The following MCM10 variants were observed in gnomAD, a reference collection of about 807,000 sequenced individuals.
The protein encoded by MCM10 is minichromosome maintenance 10 replication initiation factor, also known as protein MCM10 homolog.
In MCM10, 91 loss-of-function variants were observed where a neutral mutation model predicts 109.9. The observed-to-expected ratio is 0.83, with a 90% CI of 0.70 to 0.99. MCM10 has a LOEUF of 0.99. MCM10 is among the 50% of genes least tolerant of loss of function. The pLI, the probability that MCM10 is intolerant of heterozygous loss-of-function variation, is 0.00. For missense variants in MCM10, 1,077 were observed against 1,061.2 expected (o/e 1.01, Z -0.21); for synonymous variants, 380 against 387.2 (o/e 0.98, Z 0.22).
At chr10:13,184,746 GA>G (rs374469045) in intron 8 of MCM10, among the ~76,000 whole-genome samples, 1 of 152,250 alleles carries the variant, frequency 6.6e-6, no homozygotes, top group East Asian at 1.9e-4. Flanking sequence ...ACACTATAGT[GA>G]TTTAAGAGTG....
chr10:13,189,094 G>C lies in MCM10; in HGVS notation c.1415+14G>C, dbSNP rs74908492. 1 of 1,613,996 alleles carries C rather than the reference G, an allele frequency of 6.2e-7. No homozygotes were observed. The highest frequency in any genetic ancestry group is 1.7e-5 in the Admixed American group (1 of 60,002). Reference sequence around the variant, plus strand: ...TGCAGCTTCAATGTAAGACGTTCTCGGGCTTCTTTTGGGCAGAGGATTTTG... The same window carrying C: ...TGCAGCTTCAATGTAAGACGTTCTCCGGCTTCTTTTGGGCAGAGGATTTTG... On this transcript the variant is annotated intron_variant, in intron 10 of 19. Transcript: ENST00000378714.
intron 7 of MCM10, among the ~76,000 whole-genome samples, chr10:13,181,043 T>C (rs1247171274): frequency 6.6e-6 from 1 of 152,196 alleles, no homozygotes; most frequent in African/African-American, 2.4e-5. Context: ...TATATTTAAT[T>C]TGATGGTTAT....
intron 9 of MCM10, among the ~76,000 whole-genome samples, chr10:13,187,444 A>G (rs773925165): frequency 6.6e-6 from 1 of 152,180 alleles, no homozygotes; most frequent in East Asian, 1.9e-4. Context: ...AAACACTCAC[A>G]TACAAGTTTT....
At chr10:13,185,401 G>A (rs1335526820) in intron 8 of MCM10, among the ~76,000 whole-genome samples, 1 of 152,166 alleles carries the variant, frequency 6.6e-6, no homozygotes, top group Admixed American at 6.5e-5. Flanking sequence ...AGTTCAGCAA[G>A]GCCCTTGAGG....
chr10:13,189,091 C>A lies in MCM10; in HGVS notation c.1415+11C>A. 6.2e-7 allele frequency: 1 copy of A among 1,614,080 alleles called. No homozygotes were observed. The highest frequency in any genetic ancestry group is 1.1e-5 in the South Asian group (1 of 91,064). ...GTATGCAGCTTCAATGTAAGACGTTCTCGGGCTTCTTTTGGGCAGAGGATT... is the reference window on the plus strand; with the variant it reads ...GTATGCAGCTTCAATGTAAGACGTTATCGGGCTTCTTTTGGGCAGAGGATT... On this transcript the variant is annotated intron_variant, in intron 10 of 19. Coordinates refer to ENST00000378714, the MANE Select transcript of MCM10 (RefSeq NM_018518.5).
At chr10:13,173,313 C>T (rs571714089) in intron 5 of MCM10, among the ~76,000 whole-genome samples, 5 of 152,158 alleles carry the variant, frequency 3.3e-5, no homozygotes, top group Admixed American at 2.0e-4. Context: ...GTAAGTAAAG[C>T]CACTGGTTAG....
At chr10:13,168,134 C>T (rs1231195439) in intron 2 of MCM10, among the ~76,000 whole-genome samples, 1 of 152,190 alleles carries the variant, frequency 6.6e-6, no homozygotes, top group African/African-American at 2.4e-5. Context: ...AGAGCCTCTT[C>T]CCGGGGTGTG....
intron 2 of MCM10, among the ~76,000 whole-genome samples, chr10:13,165,274 A>G (rs928330033): frequency 3.3e-5 from 5 of 152,232 alleles, no homozygotes; most frequent in Non-Finnish European, 5.9e-5. Flanking sequence ...GTCTCTCTCT[A>G]AAGTATCTAT....
At chr10:13,161,701 G>A (rs1833929141) in intron 1 of MCM10, 95 bp downstream of exon 1, 1 of 152,476 alleles carries the variant, frequency 6.6e-6, no homozygotes, top group Non-Finnish European at 1.5e-5. Context: ...GGGGTCCGAG[G>A]CTAGAGGCGC....
intron 9 of MCM10, among the ~76,000 whole-genome samples, chr10:13,186,715 G>T (rs1383595195): frequency 6.6e-6 from 1 of 152,178 alleles, no homozygotes; most frequent in East Asian, 1.9e-4. Flanking sequence ...ATTCAGGCCA[G>T]GTGTGGTGGC....
Position 13,204,208 on chromosome 10 carries a change from G to C in MCM10, c.2353-11G>C. 6.2e-7 allele frequency: 1 copy of C among 1,612,350 alleles called. No homozygotes were observed. Among genetic ancestry groups the C allele is most frequent in the Non-Finnish European group, 8.5e-7 (1 of 1,179,098 alleles). On this transcript the variant is annotated splice_polypyrimidine_tract_variant and intron_variant, in intron 17 of 19. Coordinates refer to ENST00000378714, the MANE Select transcript of MCM10 (RefSeq NM_018518.5). Reference sequence around the variant, plus strand: ...TCACCGGCGGTGTGGGTTTTTTGTTGCTCTGTGCAGTGCGCCTATACCCAC... The same window carrying C: ...TCACCGGCGGTGTGGGTTTTTTGTTCCTCTGTGCAGTGCGCCTATACCCAC...
At position 13,198,805 on chromosome 10, in the gene MCM10, G is replaced by A; in HGVS notation, c.2236G>A (p.Glu746Lys). ...AKSKHTGILK[E>K]AEAEMQERYF... ...ATCAAAACACACAGGCATCCTGAAA[G>A]AGGTAAGAGCCCAAAAGCTCAAGGA... The change falls in exon 16 of 20, where the codon GAG (glutamate) becomes AAG (lysine). Residue 746 changes from glutamate (E) to lysine (K), a missense_variant and splice_region_variant. Transcript: ENST00000378714. 7 of 1,605,242 alleles carry A rather than the reference G, an allele frequency of 4.4e-6. No homozygotes were observed. Among genetic ancestry groups the A allele is most frequent in the East Asian group, 2.2e-5 (1 of 44,840 alleles).
intron 5 of MCM10, among the ~76,000 whole-genome samples, chr10:13,173,422 A>G (rs959511387): frequency 1.3e-5 from 2 of 152,220 alleles, no homozygotes; most frequent in Admixed American, 6.5e-5. Context: ...TTTTCTGGAA[A>G]AGACTTCTTT....
Position 13,188,929 on chromosome 10 carries a change from C to G in MCM10, c.1264C>G (p.Leu422Val). 6.2e-7 allele frequency: 1 copy of G among 1,614,194 alleles called. No individual in the cohort carries two copies. The highest frequency in any genetic ancestry group is 1.3e-5 in the African/African-American group (1 of 75,068). ...QYHVQAQYKK[L>V]SAKRADLQST... ...CCATGTCCAGGCTCAGTACAAGAAG[C>G]TCAGCGCAAAGCGTGCGGATCTGCA... The change falls in exon 10 of 20, where the codon CTC (leucine) becomes GTC (valine). Residue 422 changes from leucine (L) to valine (V), a missense_variant. Physicochemically the swap from Leu to Val is conservative, Grantham distance 32. Transcript: ENST00000378714.
intron 17 of MCM10, 144 bp downstream of exon 17, chr10:13,201,678 G>A (rs536208019): frequency 5.5e-5 from 35 of 636,472 alleles, no homozygotes; most frequent in Non-Finnish European, 9.1e-5. Flanking sequence ...GGCGCAGGTG[G>A]CCCAGGACCC....
chr10:13,195,177 G>A lies in MCM10; in HGVS notation c.1882G>A (p.Gly628Arg). The A allele has an allele frequency of 6.2e-7, 1 of 1,614,044 alleles. No homozygotes were observed. The highest frequency in any genetic ancestry group is 8.5e-7 in the Non-Finnish European group (1 of 1,180,002). Residue 628 changes from glycine (G) to arginine (R), a missense_variant, in exon 14 of 20, where the codon GGG (glycine) becomes AGG (arginine). Gly to Arg is a moderately radical substitution (Grantham distance 125). Transcript: ENST00000378714. ...CCCGGCCACAATGACGCCCAAGCTG[G>A]GGCGAGGTGTCTTGGAAGGAGATGA... ...GAPATMTPKL[G>R]RGVLEGDDVL...
chr10:13,197,867 C>G (rs1460689811), intron 15 of MCM10, 100 bp downstream of exon 15: 18 of 1,221,148 alleles, frequency 1.5e-5, no homozygotes, highest in Non-Finnish European at 2.1e-5. Context: ...CAATTACTTC[C>G]ATTTCCTCCT....
At chr10:13,197,906 G>A (rs1834443538) in intron 15 of MCM10, 139 bp downstream of exon 15, 2 of 822,640 alleles carry the variant, frequency 2.4e-6, no homozygotes, top group African/African-American at 2.0e-5. Context: ...GAATTTCTAT[G>A]GGTGGAACTG....
In MCM10 at chr10:13,197,615, T is replaced by C; in HGVS notation, c.1975-8T>C. 1 of 1,609,662 alleles carries C rather than the reference T, an allele frequency of 6.2e-7. No individual in the cohort carries two copies. Among genetic ancestry groups the C allele is most frequent in the Admixed American group, 1.7e-5 (1 of 58,874 alleles). On this transcript the variant is annotated splice_polypyrimidine_tract_variant and splice_region_variant and intron_variant, in intron 14 of 19. Coordinates refer to ENST00000378714, the MANE Select transcript of MCM10 (RefSeq NM_018518.5). ...ATCTTTACCTCCCTCTCATTCCCTT[T>C]TTTCTAGTTAGCTGCTATCACCAAA...
Sources: allele counts gnomAD v4.1 joint callset (sites outside exome capture counted in the v4.1 genomes callset), GRCh38; gene constraint gnomAD v4.1.1; transcripts MANE v1.5; gene names NCBI Gene and HGNC (gene_info 2026-07-23, HGNC 2026-07-21).